SLC5A7: variants seen among roughly 807,000 people sequenced by gnomAD.
SLC5A7 encodes high affinity choline transporter 1.
In SLC5A7, 19 loss-of-function variants were observed where a neutral mutation model predicts 55.4. The observed-to-expected ratio is 0.34, with a 90% CI of 0.24 to 0.50. SLC5A7 has a LOEUF of 0.50. Ranked by LOEUF, SLC5A7 falls within the 20% of genes least tolerant of loss-of-function variation. The pLI is 0.98. For synonymous variants in SLC5A7, 265 were observed against 263.7 expected (o/e 1.00, Z -0.05); for missense variants, 506 against 705.3 (o/e 0.72, Z 3.20).
intron 3 of SLC5A7, 131 bp from the exon 4 acceptor site, chr2:107,992,841 G>A (rs1387957592): frequency 1.2e-6 from 1 of 836,354 alleles, no homozygotes; most frequent in African/African-American, 1.7e-5. Context: ...GGTTGGTACT[G>A]TGTGCAGACT....
At position 108,009,507 on chromosome 2, in the gene SLC5A7, C is replaced by T. The variant is rs938241381; in HGVS notation, c.1114-725C>T. Among the ~76,000 whole-genome samples the T allele has an allele frequency of 5.9e-5, 9 of 152,098 alleles. 1 individual carries two copies. In the South Asian group the frequency reaches 1.9e-3, roughly 32 times the overall value. On this transcript the variant is annotated intron_variant, in intron 8 of 8. Transcript: ENST00000264047. ...GGTCCCAGTGTGTGTTGCTCCCTCC[C>T]TGTATCCATGTGTTCTCATTGTTCA... is the stretch of plus-strand genomic sequence containing the variant.
intron 5 of SLC5A7, among the ~76,000 whole-genome samples, chr2:108,001,209 A>G (rs560031518): frequency 3.3e-5 from 5 of 150,046 alleles, no homozygotes; most frequent in Non-Finnish European, 5.9e-5. Flanking sequence ...CTATTTATGT[A>G]TGTGTGTGTG....
intron 4 of SLC5A7, among the ~76,000 whole-genome samples, chr2:107,994,047 A>G (rs1039961690): frequency 2.0e-5 from 3 of 152,180 alleles, no homozygotes; most frequent in Non-Finnish European, 4.4e-5. Context: ...CCTCGACTCC[A>G]ATCTACCCTT....
intron 2 of SLC5A7, among the ~76,000 whole-genome samples, chr2:107,991,639 G>A (rs1677457375): frequency 6.6e-6 from 1 of 152,080 alleles, no homozygotes; most frequent in Non-Finnish European, 1.5e-5. Flanking sequence ...ACCACTCCGT[G>A]AGGACAGTAT....
rs1678196108 is a variant in SLC5A7, at chr2:108,008,341, C to T, written c.896-124C>T. 14 of 691,020 alleles carry T rather than the reference C, an allele frequency of 2.0e-5. 1 individual carries two copies. In the South Asian group the frequency reaches 2.7e-4, roughly 13 times the overall value. The allele number at this position is 691,020 out of a possible 1,614,324, so 42.8% of individuals were successfully genotyped here. ...CCACTTGACCAGCACATGGACTTCACACCAGACTAATGTATATGATTCTGA... is the reference window on the plus strand; with the variant it reads ...CCACTTGACCAGCACATGGACTTCATACCAGACTAATGTATATGATTCTGA... On this transcript the variant is annotated intron_variant, in intron 7 of 8. Transcript: ENST00000264047.
At chr2:107,987,318 G>A (rs1677286528) in intron 1 of SLC5A7, among the ~76,000 whole-genome samples, 3 of 152,176 alleles carry the variant, frequency 2.0e-5, no homozygotes, top group African/African-American at 7.2e-5. Flanking sequence ...TAATATCTTT[G>A]AGGCTTCTGA....
rs1351564400 is a variant in SLC5A7 at position 108,010,670 on chromosome 2, G to C, written c.1552G>C (p.Val518Leu). The C allele has an allele frequency of 1.9e-6, 3 of 1,613,770 alleles. No homozygotes were observed. Among genetic ancestry groups the C allele is most frequent in the Non-Finnish European group, 1.7e-6 (2 of 1,179,928 alleles). Residue 518 changes from valine to leucine, a missense_variant, in exon 9 of 9, where the codon GTT becomes CTT. Val to Leu is a conservative substitution (Grantham distance 32, BLOSUM62 1). Coordinates refer to ENST00000264047, the MANE Select transcript of SLC5A7 (RefSeq NM_021815.5). ...TAAATTAGATGTATTTGATGCTGTT[G>C]TTGCAAGACACAGTGAAGAAAACAT... ...PPKLDVFDAV[V>L]ARHSEENMDK...
chr2:107,993,001 T>A lies in SLC5A7; in HGVS notation c.322T>A (p.Ser108Thr). The change falls in exon 4 of 9, where the codon TCA becomes ACA. Residue 108 changes from serine (S) to threonine (T), a missense_variant. This residue lies in a region of SLC5A7 where 309 missense variants were observed against 478.6 expected (regional missense o/e 0.65). Coordinates refer to ENST00000264047, the MANE Select transcript of SLC5A7 (RefSeq NM_021815.5). ...GGLFFAKPMR[S>T]KGYVTMLDPF... Reference sequence around the variant, plus strand: ...CCTGTTCTTTGCAAAACCTATGCGTTCAAAGGGGTATGTGACCATGTTAGA... The same window carrying A: ...CCTGTTCTTTGCAAAACCTATGCGTACAAAGGGGTATGTGACCATGTTAGA... The A allele has an allele frequency of 1.2e-6, 2 of 1,614,252 alleles. No individual in the cohort carries two copies. Among genetic ancestry groups the A allele is most frequent in the Non-Finnish European group, 1.7e-6 (2 of 1,180,030 alleles).
chr2:108,013,376 T>A lies in SLC5A7; in HGVS notation c.*2515T>A, dbSNP rs1678414735. 1 of 148,728 alleles carries A rather than the reference T, an allele frequency of 6.7e-6. No homozygotes were observed. Among genetic ancestry groups the A allele is most frequent in the African/African-American group, 2.4e-5 (1 of 41,202 alleles). The allele number at this position is 148,728 out of a possible 1,614,324, so 9.2% of individuals were successfully genotyped here. A position where few individuals can be genotyped will look rare whatever the true frequency, so the allele number is the denominator to read the frequency against. On this transcript the variant is annotated 3_prime_UTR_variant, in exon 9 of 9. Transcript: ENST00000264047. ...AATATGCTAAATGTTAGCAAGATGATTTTTAAGTACAAAAAAGTTTAAGAT... is the reference window on the plus strand; with the variant it reads ...AATATGCTAAATGTTAGCAAGATGAATTTTAAGTACAAAAAAGTTTAAGAT...
intron 2 of SLC5A7, among the ~76,000 whole-genome samples, chr2:107,990,891 T>G (rs1040840068): frequency 3.3e-5 from 5 of 152,186 alleles, no homozygotes; most frequent in Admixed American, 6.5e-5. Context: ...TAAATTTTAT[T>G]CCTAATGGGA....
At chr2:108,007,378 T>C (rs77087956) in intron 7 of SLC5A7, among the ~76,000 whole-genome samples, 2 of 151,346 alleles carry the variant, frequency 1.3e-5, no homozygotes, top group Non-Finnish European at 1.5e-5. Flanking sequence ...ACTTCAAAAA[T>C]GTAAAGATGA....
At chr2:107,993,181 A>G (rs566554024) in intron 4 of SLC5A7, 54 bp downstream of exon 4, 297 of 1,595,740 alleles carry the variant, frequency 1.9e-4, no homozygotes, top group Non-Finnish European at 2.5e-4. Flanking sequence ...TAAACATCAG[A>G]TACACAACCT....
rs1367211699 is a variant in SLC5A7 at position 108,010,537 on chromosome 2, T to C, written c.1419T>C (p.Tyr473=). Residue 473 remains tyrosine (Y), a synonymous_variant, in exon 9 of 9, where the codon TAT becomes TAC. Coordinates refer to ENST00000264047, the MANE Select transcript of SLC5A7 (RefSeq NM_021815.5). Reference sequence around the variant, plus strand: ...ATTACCCTGATGATAATGGTATATATAATCAGAAATTTCCATTTAAAACAC... The same window carrying C: ...ATTACCCTGATGATAATGGTATATACAATCAGAAATTTCCATTTAAAACAC... ...PGYYPDDNGI[Y]NQKFPFKTLA... is the part of the protein sequence containing the mutation. The C allele has an allele frequency of 6.2e-7, 1 of 1,613,880 alleles. No homozygotes were observed. Among genetic ancestry groups the C allele is most frequent in the African/African-American group, 1.3e-5 (1 of 75,036 alleles).
intron 4 of SLC5A7, among the ~76,000 whole-genome samples, chr2:107,995,469 G>A (rs1435920984): frequency 8.4e-6 from 1 of 119,560 alleles, no homozygotes; most frequent in Non-Finnish European, 1.9e-5. Flanking sequence ...GAGAGAGAGA[G>A]AGTGTGTGTG....
In SLC5A7 at chr2:108,011,984, CAAAT is replaced by C. The variant is rs1206559253; in HGVS notation, c.*1126_*1129del. ...ACATAAGCCAGCCTTAGAGACTAGA[CAAAT>C]AACTACTGCAAAAAGTACATAGTGA... On this transcript the variant is annotated 3_prime_UTR_variant, in exon 9 of 9. Transcript: ENST00000264047. The C allele has an allele frequency of 6.6e-6, 1 of 152,460 alleles. No individual in the cohort carries two copies. Among genetic ancestry groups the C allele is most frequent in the Non-Finnish European group, 1.5e-5 (1 of 67,996 alleles). The allele number at this position is 152,460 out of a possible 1,614,324, so 9.4% of individuals were successfully genotyped here. A position where few individuals can be genotyped will look rare whatever the true frequency, so the allele number is the denominator to read the frequency against.
chr2:108,005,958 G>A (rs534955470), intron 6 of SLC5A7, 91 bp from the exon 7 acceptor site: 27 of 1,485,404 alleles, frequency 1.8e-5, no homozygotes, highest in East Asian at 6.9e-5. Context: ...CTTCTAAGTT[G>A]TACTTAGGCC....
intron 6 of SLC5A7, among the ~76,000 whole-genome samples, chr2:108,002,263 C>G (rs886540099): frequency 6.6e-6 from 1 of 152,024 alleles, no homozygotes; most frequent in Non-Finnish European, 1.5e-5. Context: ...ATAAGGTGTT[C>G]TGGGTGGTGG....
chr2:107,995,959 T>C (rs1390921586), intron 4 of SLC5A7, among the ~76,000 whole-genome samples: 1 of 152,134 alleles, frequency 6.6e-6, no homozygotes, highest in Non-Finnish European at 1.5e-5. Context: ...TTTCAGAAAA[T>C]ATTTTAGAGA....
intron 5 of SLC5A7, among the ~76,000 whole-genome samples, chr2:107,998,894 C>G (rs1259847965): frequency 6.6e-6 from 1 of 152,102 alleles, no homozygotes; most frequent in Non-Finnish European, 1.5e-5. Context: ...TAAAGCATTT[C>G]ATTATATTTT....
Sources: allele counts gnomAD v4.1 joint callset (sites outside exome capture counted in the v4.1 genomes callset), GRCh38; gene constraint gnomAD v4.1.1; regional missense constraint gnomAD v4.1.1; transcripts MANE v1.5; gene names NCBI Gene and HGNC (gene_info 2026-07-23, HGNC 2026-07-21).